Variants in BRCA1 observed in about 807,000 individuals in gnomAD.
BRCA1 encodes breast cancer type 1 susceptibility protein.
BRCA1 carries 140 observed loss-of-function variants against 173.7 expected under a neutral mutation model. The observed-to-expected ratio is 0.81, with a 90% confidence interval of 0.70 to 0.93. The LOEUF is 0.93. Among genes scored for constraint, BRCA1 ranks in the 40% least tolerant of loss-of-function variants. BRCA1 has a pLI of 0.00. For synonymous variants in BRCA1, 662 were observed against 756.0 expected, an observed-to-expected ratio of 0.88 and a Z score of 2.04; for missense variants, 1,983 against 2,172.5, an observed-to-expected ratio of 0.91 and a Z score of 1.73.
intron 12 of BRCA1, chr17:43,079,253 G>C (rs979387658): frequency 9.3e-7 from 1 of 1,080,582 alleles, no homozygotes; most frequent in Non-Finnish European, 1.4e-6. Flanking sequence ...CTATTAAAAA[G>C]TCATTCCTCC....
intron 19 of BRCA1, among the ~76,000 whole-genome samples, chr17:43,052,311 C>T (rs1289283263): frequency 6.6e-6 from 1 of 151,932 alleles, no homozygotes; most frequent in Non-Finnish European, 1.5e-5. Context: ...GATGAGGTCT[C>T]ATTCTGTCAC....
chr17:43,088,032 G>A (rs746466049), intron 11 of BRCA1, among the ~76,000 whole-genome samples: 1 of 152,132 alleles, frequency 6.6e-6, no homozygotes, highest in African/African-American at 2.4e-5. Flanking sequence ...GATTACAGGT[G>A]TAAGCCACTG....
chr17:43,149,825 G>A (rs1487629929), intron 1 of BRCA1, among the ~76,000 whole-genome samples: 1 of 152,012 alleles, frequency 6.6e-6, no homozygotes, highest in African/African-American at 2.4e-5. Context: ...GTCTTGCTCT[G>A]TCGCACAGCC....
At chr17:43,161,920 A>G (rs1247483179) in intron 1 of BRCA1, 1 of 152,146 alleles carries the variant, frequency 6.6e-6, no homozygotes, top group Non-Finnish European at 1.5e-5. Flanking sequence ...TTTTTCCTGG[A>G]AATTCTGTTA....
At chr17:43,114,985 T>C (rs974243471) in intron 3 of BRCA1, among the ~76,000 whole-genome samples, 41 of 152,150 alleles carry the variant, frequency 2.7e-4, no homozygotes, top group Non-Finnish European at 1.9e-4. Flanking sequence ...TTGGCCTAAA[T>C]AGAAACTGGT....
At position 43,045,283 on chromosome 17, in the gene BRCA1, G is replaced by T. The variant is rs2050833328; in HGVS notation, c.*395C>A. The T allele has an allele frequency of 7.3e-6, 4 of 547,018 alleles. No homozygotes were observed. The highest frequency in any genetic ancestry group is 2.2e-5 in the Admixed American group (1 of 45,252). The allele number at this position is 547,018 out of a possible 1,614,324, so 33.9% of individuals were successfully genotyped here. A position where few individuals can be genotyped will look rare whatever the true frequency, so the allele number is the denominator to read the frequency against. ...TTTGTGAACACAGGGTTTTAGAGAA[G>T]TAAACTTAGGGAAACCAGCTATTCT... is the stretch of plus-strand genomic sequence containing the variant. On this transcript the variant is annotated 3_prime_UTR_variant, in exon 23 of 23. Transcript: ENST00000357654.
chr17:43,086,393 C>T (rs562100327), intron 11 of BRCA1, among the ~76,000 whole-genome samples: 1 of 151,578 alleles, frequency 6.6e-6, no homozygotes, highest in Non-Finnish European at 1.5e-5. Context: ...AAACAAAAAC[C>T]CAGATATCAA....
intron 1 of BRCA1, among the ~76,000 whole-genome samples, chr17:43,140,638 C>CAAGG (rs2056068787): frequency 6.6e-6 from 1 of 152,126 alleles, no homozygotes; most frequent in Non-Finnish European, 1.5e-5. Flanking sequence ...TACTCCTTTC[C>CAAGG]AGCCGACCAA....
At chr17:43,123,682 G>A (rs140913990) in intron 2 of BRCA1, among the ~76,000 whole-genome samples, 124 of 152,210 alleles carry the variant, frequency 8.1e-4, no homozygotes, top group African/African-American at 2.9e-3. Flanking sequence ...TTCAAGTGAT[G>A]GAGCTTGTTT....
intron 6 of BRCA1, among the ~76,000 whole-genome samples, chr17:43,102,357 C>CTTTTTTTTTTTTTTTTTTTTTTTTTTTT (rs35584960): frequency 1.1e-5 from 1 of 93,214 alleles, no homozygotes; most frequent in African/African-American, 4.4e-5. Context: ...AGGCGTGAAG[C>CTTTTTTTTTTTTTTTTTTTTTTTTTTTT]TTTTTTTTTT....
chr17:43,065,256 C>T (rs939243347), intron 16 of BRCA1, among the ~76,000 whole-genome samples: 7 of 152,150 alleles, frequency 4.6e-5, no homozygotes, highest in Non-Finnish European at 7.3e-5. Flanking sequence ...ATGAACACTA[C>T]CCTCTGACCC....
chr17:43,056,683 A>C (rs115927772), intron 19 of BRCA1, among the ~76,000 whole-genome samples: 131 of 152,154 alleles, frequency 8.6e-4, no homozygotes, highest in African/African-American at 3.1e-3. Flanking sequence ...GGGAAAAAAA[A>C]AAAGAGAGAG....
At chr17:43,048,568 G>A in intron 21 of BRCA1, among the ~76,000 whole-genome samples, 1 of 150,382 alleles carries the variant, frequency 6.6e-6, no homozygotes, top group East Asian at 2.0e-4. Context: ...AGTCTGGAGT[G>A]CAGTGGTGCA....
intron 1 of BRCA1, chr17:43,166,580 G>C (rs1236855796): frequency 6.6e-6 from 1 of 152,118 alleles, no homozygotes; most frequent in African/African-American, 2.4e-5. Flanking sequence ...TCCTAGTGGG[G>C]TGGGCTTATT....
chr17:43,086,656 T>G (rs1358109789), intron 11 of BRCA1, among the ~76,000 whole-genome samples: 1 of 152,176 alleles, frequency 6.6e-6, no homozygotes, highest in Non-Finnish European at 1.5e-5. Context: ...GTATATTGAA[T>G]GTCAAATATA....
chr17:43,103,414 C>T (rs2054577152), intron 6 of BRCA1, among the ~76,000 whole-genome samples: 2 of 150,842 alleles, frequency 1.3e-5, no homozygotes, highest in Non-Finnish European at 2.9e-5. Flanking sequence ...TTGCAGTGAG[C>T]TGACATCGTG....
intron 20 of BRCA1, among the ~76,000 whole-genome samples, chr17:43,050,457 C>T (rs905888759): frequency 1.8e-4 from 27 of 151,322 alleles, no homozygotes; most frequent in Admixed American, 5.9e-4. Flanking sequence ...AAAAAAAATA[C>T]AAAAAATTAG....
intron 6 of BRCA1, among the ~76,000 whole-genome samples, chr17:43,103,336 G>T (rs760923929): frequency 3.3e-5 from 5 of 151,890 alleles, no homozygotes; most frequent in Non-Finnish European, 4.4e-5. Flanking sequence ...GTCTGGTGTC[G>T]TACCCCTGTA....
intron 8 of BRCA1, among the ~76,000 whole-genome samples, chr17:43,096,486 C>T (rs142296444): frequency 5.0e-4 from 74 of 149,424 alleles, no homozygotes; most frequent in African/African-American, 1.6e-3. Context: ...ACAGGAGAAT[C>T]GCTTGAACCA....
Sources: allele counts gnomAD v4.1 joint callset (sites outside exome capture counted in the v4.1 genomes callset), GRCh38; gene constraint gnomAD v4.1.1; transcripts MANE v1.5; gene names NCBI Gene and HGNC (gene_info 2026-07-23, HGNC 2026-07-21).